ABCA1: variants seen among roughly 807,000 people sequenced by gnomAD.
The protein encoded by ABCA1 is phospholipid-transporting ATPase ABCA1.
ABCA1 carries 133 observed loss-of-function variants against 262.5 expected under a neutral mutation model. That is an observed-to-expected ratio of 0.51 (90% confidence interval 0.44 to 0.59). ABCA1 has a LOEUF of 0.59. ABCA1 is among the 20% of genes least tolerant of loss of function. ABCA1 has a pLI of 0.00. For missense variants in ABCA1, 2,452 were observed against 2,777.5 expected (o/e 0.88, Z 2.63); for synonymous variants, 1,022 against 1,043.5 (o/e 0.98, Z 0.40).
chr9:104,919,921 T>C (rs943252845), intron 1 of ABCA1, among the ~76,000 whole-genome samples: 1 of 152,216 alleles, frequency 6.6e-6, no homozygotes, highest in African/African-American at 2.4e-5. Flanking sequence ...CTCTGAGGCA[T>C]TCCCTGGTTA....
intron 5 of ABCA1, among the ~76,000 whole-genome samples, chr9:104,862,646 G>GCCCCCCA (rs1564197987): frequency 3.4e-4 from 1 of 2,900 alleles, no homozygotes; most frequent in East Asian, 0.014. Flanking sequence ...GGCCGGGCCG[G>GCCCCCCA]GCCGGGCCGG....
At position 104,814,540 on chromosome 9, in the gene ABCA1, C is replaced by T. The variant is rs1023721880; in HGVS notation, c.3739-65G>A. The T allele has an allele frequency of 2.4e-5, 34 of 1,443,298 alleles. No homozygotes were observed. The Admixed American group carries it at 3.7e-4, about 16-fold the overall frequency. The allele number at this position is 1,443,298 out of a possible 1,614,324, so 89.4% of individuals were successfully genotyped here. A position where few individuals can be genotyped will look rare whatever the true frequency, so the allele number is the denominator to read the frequency against. On this transcript the variant is annotated intron_variant, in intron 25 of 49. Transcript: ENST00000374736. ...ATTACGAGAGTAGTCACCACTGCCA[C>T]GATTATTATATTACTGAGTGGCATG...
In ABCA1 at chr9:104,819,605, C is replaced by T; in HGVS notation, c.3222G>A (p.Leu1074=). 1 of 1,614,212 alleles carries T rather than the reference C, an allele frequency of 6.2e-7. No individual in the cohort carries two copies. Among genetic ancestry groups the T allele is most frequent in the South Asian group, 1.1e-5 (1 of 91,078 alleles). Residue 1074 remains leucine (L), a synonymous_variant, in exon 22 of 50, where the codon CTG becomes CTA. Transcript: ENST00000374736. ...DPYSRRGIWE[L]LLKYRQGRTI... ...AGGCACCTTGTCGGTATTTCAGCAG[C>T]AGCTCCCATATTCCCCTGCGGGAGT...
intron 37 of ABCA1, 108 bp from the exon 38 acceptor site, chr9:104,796,532 G>A (rs577044042): frequency 1.2e-6 from 1 of 812,860 alleles, no homozygotes; most frequent in Non-Finnish European, 2.1e-6. Context: ...ACATATTGGA[G>A]AGTAACTCTG....
At chr9:104,845,408 C>T (rs1834775361) in intron 8 of ABCA1, 69 bp downstream of exon 8, 3 of 1,144,296 alleles carry the variant, frequency 2.6e-6, no homozygotes, top group Non-Finnish European at 4.0e-6. Context: ...GACCTCTTGC[C>T]AGACTCAGGA....
intron 30 of ABCA1, among the ~76,000 whole-genome samples, chr9:104,807,055 A>T (rs573303006): frequency 6.6e-6 from 1 of 152,198 alleles, no homozygotes; most frequent in South Asian, 2.1e-4. Flanking sequence ...ATGCATTTCT[A>T]TTTTTTAGGA....
In ABCA1 at chr9:104,817,299, C is replaced by A. The variant is rs1458107211; in HGVS notation, c.3535+33G>T. 1 of 1,614,102 alleles carries A rather than the reference C, an allele frequency of 6.2e-7. No homozygotes were observed. Among genetic ancestry groups the A allele is most frequent in the Non-Finnish European group, 8.5e-7 (1 of 1,180,006 alleles). ...TCTGCCCAGCTGGGGGAAGCTCAGG[C>A]ACCACCTGAATAAGAAACCCCAGAG... is the stretch of plus-strand genomic sequence containing the variant. On this transcript the variant is annotated intron_variant, in intron 24 of 49. Coordinates refer to ENST00000374736, the MANE Select transcript of ABCA1 (RefSeq NM_005502.4). This position sits in a 1 kb window ranked among gnomAD's most constrained non-coding sequence, Gnocchi z 4.7.
At chr9:104,878,087 C>A (rs764050374) in intron 5 of ABCA1, among the ~76,000 whole-genome samples, 3 of 152,188 alleles carry the variant, frequency 2.0e-5, no homozygotes, top group African/African-American at 4.8e-5. Context: ...CTTATCTCTG[C>A]CAGTCTGTAT....
chr9:104,800,441 GA>G, intron 35 of ABCA1, 68 bp downstream of exon 35: 1 of 1,477,326 alleles, frequency 6.8e-7, no homozygotes, highest in South Asian at 1.1e-5. Context: ...ACCATGAGTT[GA>G]AAGTACTCCA....
At chr9:104,913,853 T>C (rs918760819) in intron 1 of ABCA1, among the ~76,000 whole-genome samples, 3 of 152,194 alleles carry the variant, frequency 2.0e-5, no homozygotes, top group Admixed American at 6.5e-5. Flanking sequence ...TGGAGTGCAG[T>C]GGCGCGATCT....
intron 7 of ABCA1, among the ~76,000 whole-genome samples, chr9:104,845,949 G>A (rs760384788): frequency 6.6e-6 from 1 of 152,096 alleles, no homozygotes; most frequent in Non-Finnish European, 1.5e-5. Flanking sequence ...AGTTAATGAC[G>A]GCTCACAAGA....
At chr9:104,926,149 G>GT (rs912246725) in intron 1 of ABCA1, among the ~76,000 whole-genome samples, 1 of 152,026 alleles carries the variant, frequency 6.6e-6, no homozygotes, top group Admixed American at 6.6e-5. Flanking sequence ...TACCCAGAAG[G>GT]TTTTTTTAAA....
intron 13 of ABCA1, 133 bp from the exon 14 acceptor site, chr9:104,831,234 T>C: frequency 1.1e-6 from 1 of 910,682 alleles, no homozygotes; most frequent in Non-Finnish European, 1.6e-6. Flanking sequence ...TTTTTTTTTT[T>C]GAGATGGAGT....
chr9:104,927,218 AAAG>A (rs1826419196), intron 1 of ABCA1, among the ~76,000 whole-genome samples: 1 of 145,082 alleles, frequency 6.9e-6, no homozygotes, highest in Admixed American at 7.3e-5. Context: ...GAAAGAAAAA[AAAG>A]AAAAAGAAAA....
chr9:104,912,112 A>T (rs1841535048), intron 1 of ABCA1, among the ~76,000 whole-genome samples: 1 of 152,254 alleles, frequency 6.6e-6, no homozygotes, highest in Admixed American at 6.5e-5. Context: ...AATTATTGCT[A>T]ATAGCTAATT....
chr9:104,822,763 C>T (rs1202449501), intron 18 of ABCA1, 96 bp from the exon 19 acceptor site: 1 of 1,427,602 alleles, frequency 7.0e-7, no homozygotes, highest in Non-Finnish European at 9.8e-7. Flanking sequence ...TCAGAAGTGC[C>T]TTCTCTCCAT....
intron 2 of ABCA1, among the ~76,000 whole-genome samples, chr9:104,897,253 C>T (rs1840305572): frequency 6.6e-6 from 1 of 152,058 alleles, no homozygotes; most frequent in African/African-American, 2.4e-5. Flanking sequence ...TAAAACCAGG[C>T]CTGCCTTCCC....
intron 29 of ABCA1, among the ~76,000 whole-genome samples, chr9:104,810,476 A>G (rs1202769019): frequency 6.6e-6 from 1 of 152,218 alleles, no homozygotes; most frequent in East Asian, 1.9e-4. Flanking sequence ...GAATTAAAAC[A>G]CAGCTCCACA....
chr9:104,869,168 T>G (rs1182088697), intron 5 of ABCA1, among the ~76,000 whole-genome samples: 1 of 152,034 alleles, frequency 6.6e-6, no homozygotes, highest in African/African-American at 2.4e-5. Flanking sequence ...TCAAGATCTG[T>G]CTTCTCTTTT....
Sources: allele counts gnomAD v4.1 joint callset (sites outside exome capture counted in the v4.1 genomes callset), GRCh38; gene constraint gnomAD v4.1.1; non-coding constraint Gnocchi (gnomAD v3.1); transcripts MANE v1.5; gene names NCBI Gene and HGNC (gene_info 2026-07-23, HGNC 2026-07-21).